Variants in MLLT10 observed in about 807,000 individuals in gnomAD.
The protein encoded by MLLT10 is MLLT10 histone lysine methyltransferase DOT1L cofactor, also known as protein AF-10.
Under a neutral mutation model 129.1 loss-of-function variants are expected in MLLT10, and 30 were observed. The ratio of observed to expected loss-of-function variants is 0.23; its 90% CI spans 0.17 to 0.32. The LOEUF (loss-of-function observed/expected upper bound fraction) is 0.32. MLLT10 is among the 10% of genes least tolerant of loss of function. MLLT10 has a pLI of 1.00. For synonymous variants in MLLT10, 490 were observed against 446.4 expected, an observed-to-expected ratio of 1.10 and a Z score of -1.23; for missense variants, 1,119 against 1,268.3, an observed-to-expected ratio of 0.88 and a Z score of 1.79.
chr10:21,618,952 C>G (rs1246208957), intron 8 of MLLT10, among the ~76,000 whole-genome samples: 2 of 152,034 alleles, frequency 1.3e-5, no homozygotes, highest in African/African-American at 4.8e-5. Context: ...CCAGGCTGGT[C>G]TCCAACTCCT....
chr10:21,672,039 TAAAC>T (rs767367309), intron 10 of MLLT10, among the ~76,000 whole-genome samples: 9 of 152,206 alleles, frequency 5.9e-5, no homozygotes, highest in African/African-American at 4.8e-5. Flanking sequence ...TTTTAGTAGA[TAAAC>T]AAATACTAGA....
chr10:21,659,757 C>T (rs1299665167), intron 9 of MLLT10, among the ~76,000 whole-genome samples: 1 of 152,040 alleles, frequency 6.6e-6, no homozygotes, highest in Non-Finnish European at 1.5e-5. Flanking sequence ...GTGATCCACC[C>T]GCCTTGGCCT....
At chr10:21,625,382 G>T in intron 8 of MLLT10, 2 of 792,868 alleles carry the variant, frequency 2.5e-6, no homozygotes, top group South Asian at 1.5e-5. Context: ...TCCAAATTCA[G>T]AAAATGACTT....
intron 8 of MLLT10, among the ~76,000 whole-genome samples, chr10:21,648,646 ATAGAC>A (rs1269006560): frequency 3.9e-5 from 6 of 152,330 alleles, no homozygotes; most frequent in African/African-American, 1.4e-4. Context: ...TTTCAACTTC[ATAGAC>A]TAGAGTGTAT....
chr10:21,699,045 T>A (rs2054638760), intron 13 of MLLT10, among the ~76,000 whole-genome samples: 1 of 152,142 alleles, frequency 6.6e-6, no homozygotes, highest in Admixed American at 6.6e-5. Flanking sequence ...CAGCTAATTT[T>A]TGTACTTTTA....
At chr10:21,674,649 T>TA (rs1306457805) in intron 11 of MLLT10, among the ~76,000 whole-genome samples, 2 of 152,236 alleles carry the variant, frequency 1.3e-5, no homozygotes, top group African/African-American at 2.4e-5. Context: ...TGCATGTTTT[T>TA]AGACAGACCC....
chr10:21,713,248 C>A (rs1421263306), intron 13 of MLLT10, among the ~76,000 whole-genome samples: 1 of 152,212 alleles, frequency 6.6e-6, no homozygotes, highest in Non-Finnish European at 1.5e-5. Context: ...ATTCCCACAC[C>A]TGTCTCCCAC....
chr10:21,681,264 A>G (rs541088567), intron 11 of MLLT10, 68 bp from the exon 12 acceptor site: 4 of 1,592,942 alleles, frequency 2.5e-6, no homozygotes, highest in Admixed American at 1.8e-5. Flanking sequence ...TTTCTGGCCT[A>G]TCTCTTTTTT....
intron 3 of MLLT10, chr10:21,572,059 CT>C (rs2040262803): frequency 6.6e-6 from 1 of 152,078 alleles, no homozygotes; most frequent in Admixed American, 6.6e-5. Context: ...AAAGGTTTTG[CT>C]TTTGCTAATT....
chr10:21,609,187 A>G (rs2044356021), intron 5 of MLLT10, among the ~76,000 whole-genome samples: 1 of 152,142 alleles, frequency 6.6e-6, no homozygotes, highest in African/African-American at 2.4e-5. Flanking sequence ...TTGGGGCCAC[A>G]TAAACCACTT....
At chr10:21,661,786 C>T (rs1048255678) in intron 9 of MLLT10, 6 of 152,118 alleles carry the variant, frequency 3.9e-5, no homozygotes, top group Non-Finnish European at 8.8e-5. Flanking sequence ...AAGTAGGTTT[C>T]CTGTAGACAA....
chr10:21,691,258 T>C (rs992596253), intron 13 of MLLT10, among the ~76,000 whole-genome samples: 1 of 152,168 alleles, frequency 6.6e-6, no homozygotes, highest in African/African-American at 2.4e-5. Context: ...CCCAATCACC[T>C]TCATTAAACC....
At chr10:21,664,320 G>GT (rs765181898) in intron 9 of MLLT10, among the ~76,000 whole-genome samples, 1,799 of 136,096 alleles carry the variant, frequency 0.013, 17 homozygotes, top group African/African-American at 0.034. Flanking sequence ...TTGTTTGTTT[G>GT]TTTTTTTTTT....
intron 11 of MLLT10, among the ~76,000 whole-genome samples, chr10:21,679,464 G>A (rs1229863416): frequency 1.3e-5 from 2 of 152,164 alleles, no homozygotes; most frequent in East Asian, 3.8e-4. Flanking sequence ...TATTTTCTCT[G>A]AGAAAAGTCT....
chr10:21,735,004 G>A (rs2058248305), intron 20 of MLLT10, 135 bp from the exon 21 acceptor site: 2 of 640,706 alleles, frequency 3.1e-6, no homozygotes, highest in Admixed American at 5.7e-5. Context: ...GTACATAACT[G>A]TTTTCAGAGT....
intron 13 of MLLT10, among the ~76,000 whole-genome samples, chr10:21,687,896 G>A (rs945017711): frequency 5.9e-5 from 9 of 152,202 alleles, no homozygotes; most frequent in Non-Finnish European, 1.3e-4. Flanking sequence ...GATTATGCCT[G>A]TGTAGGAAAG....
intron 13 of MLLT10, among the ~76,000 whole-genome samples, chr10:21,687,133 A>G (rs1362600528): frequency 6.6e-6 from 1 of 152,152 alleles, no homozygotes; most frequent in Non-Finnish European, 1.5e-5. Context: ...GCGCTCACTA[A>G]ACAAATAGGG....
intron 5 of MLLT10, among the ~76,000 whole-genome samples, chr10:21,610,232 T>C (rs2044466887): frequency 6.6e-6 from 1 of 152,262 alleles, no homozygotes; most frequent in Non-Finnish European, 1.5e-5. Flanking sequence ...CCTAGCATTC[T>C]TGGCTTTTTG....
intron 6 of MLLT10, among the ~76,000 whole-genome samples, chr10:21,613,421 T>C (rs1341688363): frequency 6.6e-6 from 1 of 152,314 alleles, no homozygotes; most frequent in Non-Finnish European, 1.5e-5. Context: ...TGTTTTATAC[T>C]ACTATTGTGA....
Sources: allele counts gnomAD v4.1 joint callset (sites outside exome capture counted in the v4.1 genomes callset), GRCh38; gene constraint gnomAD v4.1.1; transcripts MANE v1.5; gene names NCBI Gene and HGNC (gene_info 2026-07-23, HGNC 2026-07-21).